Variants in SNTG1 observed in about 807,000 individuals in gnomAD.
SNTG1 encodes syntrophin gamma 1, also known as gamma-1-syntrophin.
In SNTG1, 39 loss-of-function variants were observed where a neutral mutation model predicts 74.7. The ratio of observed to expected loss-of-function variants is 0.52; its 90% CI spans 0.40 to 0.68. The LOEUF (loss-of-function observed/expected upper bound fraction) is 0.68. Among genes scored for constraint, SNTG1 ranks in the 30% least tolerant of loss-of-function variants. The pLI, the probability that SNTG1 is intolerant of heterozygous loss-of-function variation, is 0.00. For synonymous variants in SNTG1, 254 were observed against 217.1 expected (o/e 1.17, Z -1.49); for missense variants, 685 against 609.5 (o/e 1.12, Z -1.30).
intron 5 of SNTG1, 53 bp downstream of exon 5, chr8:50,438,652 C>T: frequency 6.9e-7 from 1 of 1,448,268 alleles, no homozygotes; most frequent in Non-Finnish European, 9.7e-7. Flanking sequence ...AAGAGCTGAA[C>T]TTTGGTGCAT....
At chr8:50,376,227 T>A (rs1171056121) in intron 2 of SNTG1, among the ~76,000 whole-genome samples, 2 of 152,304 alleles carry the variant, frequency 1.3e-5, no homozygotes, top group South Asian at 4.1e-4. Context: ...TTCCAACAAC[T>A]GTAACTATAC....
At chr8:50,754,585 C>G (rs1175865976) in intron 18 of SNTG1, among the ~76,000 whole-genome samples, 1 of 151,716 alleles carries the variant, frequency 6.6e-6, no homozygotes, top group African/African-American at 2.4e-5. Context: ...CTCTGTTTTT[C>G]TGTTAATTGT....
At chr8:50,322,977 G>A (rs1415552918) in intron 2 of SNTG1, among the ~76,000 whole-genome samples, 3 of 151,704 alleles carry the variant, frequency 2.0e-5, no homozygotes, top group African/African-American at 4.8e-5. Context: ...TAAGCCAGGG[G>A]TGGTGGCACA....
chr8:50,426,092 T>C (rs892147966), intron 4 of SNTG1, among the ~76,000 whole-genome samples: 1 of 152,180 alleles, frequency 6.6e-6, no homozygotes, highest in African/African-American at 2.4e-5. Context: ...TCTTACATAG[T>C]ATGGTAAGTT....
intron 2 of SNTG1, among the ~76,000 whole-genome samples, chr8:50,302,536 G>A (rs2130679511): frequency 6.6e-6 from 1 of 152,080 alleles, no homozygotes; most frequent in East Asian, 1.9e-4. Flanking sequence ...AACTCCAAAT[G>A]TTCTTACTGA....
intron 15 of SNTG1, among the ~76,000 whole-genome samples, chr8:50,668,744 T>C (rs761997713): frequency 1.3e-5 from 2 of 151,862 alleles, no homozygotes; most frequent in African/African-American, 2.4e-5. Context: ...AGTGAGAACA[T>C]GTCAGTGATA....
At chr8:50,114,604 C>T (rs1372361718) in intron 1 of SNTG1, among the ~76,000 whole-genome samples, 1 of 152,148 alleles carries the variant, frequency 6.6e-6, no homozygotes, top group Admixed American at 6.5e-5. Flanking sequence ...CAGTGGCTCA[C>T]ACCTGTAATC....
At chr8:50,214,269 GA>G (rs1478707127) in intron 2 of SNTG1, among the ~76,000 whole-genome samples, 2 of 96,182 alleles carry the variant, frequency 2.1e-5, no homozygotes, top group East Asian at 7.5e-4. Context: ...GGGGTGGGGG[GA>G]GGGGGGAGGG....
chr8:50,117,810 A>C (rs1008305316), intron 1 of SNTG1, among the ~76,000 whole-genome samples: 8 of 152,098 alleles, frequency 5.3e-5, no homozygotes, highest in Non-Finnish European at 1.5e-5. Context: ...CATTTCCTCT[A>C]TTCATTTATA....
At chr8:50,084,348 C>A (rs1822683438) in intron 1 of SNTG1, among the ~76,000 whole-genome samples, 1 of 152,086 alleles carries the variant, frequency 6.6e-6, no homozygotes, top group South Asian at 2.1e-4. Flanking sequence ...GTAGTCCCAG[C>A]TACTGGGGAA....
Position 50,237,737 on chromosome 8 carries a change from C to G in SNTG1, c.-28+65102C>G, listed in dbSNP as rs2085978171. Among the ~76,000 whole-genome samples the G allele has an allele frequency of 8.6e-5, 13 of 151,942 alleles. 1 individual carries two copies. The highest frequency in any genetic ancestry group is 8.5e-4 in the Admixed American group (13 of 15,240). On this transcript the variant is annotated intron_variant, in intron 2 of 18. Transcript: ENST00000642720. Reference sequence around the variant, plus strand: ...GATGCTAAAATAATCTCAAATTTGGCCAATAAGAACTTCTTCATATTGTCT... The same window carrying G: ...GATGCTAAAATAATCTCAAATTTGGGCAATAAGAACTTCTTCATATTGTCT...
rs1027866608 is a variant in SNTG1, at chr8:50,776,909, A to T, written c.1396-15762A>T. Among the ~76,000 whole-genome samples, 3 of 151,962 alleles carry T rather than the reference A, an allele frequency of 2.0e-5. No homozygotes were observed. In the Middle Eastern group the frequency reaches 0.01, roughly 517 times the overall value. On this transcript the variant is annotated intron_variant, in intron 18 of 18. Transcript: ENST00000642720. ...TTCAGCAGTTGAAAAATCTTGTGCC[A>T]CTTCCTTCTGGCTGTATGATTTCTG...
At chr8:50,432,664 T>C (rs902350872) in intron 4 of SNTG1, among the ~76,000 whole-genome samples, 4 of 152,156 alleles carry the variant, frequency 2.6e-5, no homozygotes, top group African/African-American at 9.6e-5. Context: ...TCTCTTCATA[T>C]GTTTTGAACA....
At chr8:50,673,068 T>C (rs1313438586) in intron 15 of SNTG1, among the ~76,000 whole-genome samples, 1 of 152,222 alleles carries the variant, frequency 6.6e-6, no homozygotes, top group Non-Finnish European at 1.5e-5. Flanking sequence ...CATGCTGTTT[T>C]GGTTACTGTA....
chr8:50,338,545 A>G (rs1350920356), intron 2 of SNTG1, among the ~76,000 whole-genome samples: 6 of 152,250 alleles, frequency 3.9e-5, no homozygotes, highest in African/African-American at 7.2e-5. Flanking sequence ...GCATGCAAGA[A>G]AAGATAGGTG....
At chr8:50,182,573 C>T (rs1486553362) in intron 2 of SNTG1, among the ~76,000 whole-genome samples, 1 of 151,920 alleles carries the variant, frequency 6.6e-6, no homozygotes, top group Non-Finnish European at 1.5e-5. Flanking sequence ...AAAAGTAGCC[C>T]TATTTGCAAC....
At chr8:50,611,504 A>C (rs1228099378) in intron 13 of SNTG1, among the ~76,000 whole-genome samples, 1 of 152,148 alleles carries the variant, frequency 6.6e-6, no homozygotes, top group African/African-American at 2.4e-5. Context: ...TTTGCTGGAA[A>C]TTTTTATTCA....
At chr8:50,686,318 G>A (rs936559805) in intron 15 of SNTG1, among the ~76,000 whole-genome samples, 6 of 152,134 alleles carry the variant, frequency 3.9e-5, no homozygotes, top group African/African-American at 1.4e-4. Flanking sequence ...TTTAGGCCAA[G>A]TATTAATAGC....
At chr8:50,787,894 T>C (rs141713486) in intron 18 of SNTG1, among the ~76,000 whole-genome samples, 50 of 152,124 alleles carry the variant, frequency 3.3e-4, no homozygotes, top group African/African-American at 7.7e-4. Context: ...TTTGGAGTGA[T>C]AAAAATGTTC....
Sources: allele counts gnomAD v4.1 joint callset (sites outside exome capture counted in the v4.1 genomes callset), GRCh38; gene constraint gnomAD v4.1.1; transcripts MANE v1.5; gene names NCBI Gene and HGNC (gene_info 2026-07-23, HGNC 2026-07-21).